Variants in ZFAND3 observed in about 807,000 individuals in gnomAD.
ZFAND3 encodes zinc finger AN1-type containing 3.
ZFAND3 carries 10 observed loss-of-function variants against 29.6 expected under a neutral mutation model. That is an observed-to-expected ratio of 0.34 (90% CI 0.21 to 0.57). The LOEUF (loss-of-function observed/expected upper bound fraction) is 0.57. ZFAND3 is among the 20% of genes least tolerant of loss of function. The probability of loss-of-function intolerance (pLI) is 0.86; values close to 1 mark genes in which losing one functional copy is unlikely to be tolerated. For missense variants in ZFAND3, 230 were observed against 304.5 expected (o/e 0.76, Z 1.82); for synonymous variants, 128 against 112.6 (o/e 1.14, Z -0.87).
intron 2 of ZFAND3, among the ~76,000 whole-genome samples, chr6:38,006,137 C>T (rs1228717597): frequency 6.6e-6 from 1 of 152,140 alleles, no homozygotes; most frequent in Non-Finnish European, 1.5e-5. Context: ...ATGTATCATG[C>T]CCCAGAAAAA....
At position 37,834,510 on chromosome 6, in the gene ZFAND3, A is replaced by G. The variant is rs755858098; in HGVS notation, c.71+14494A>G. Reference sequence around the variant, plus strand: ...ATAAGTTTTCAGCTCATTTGGTTACATACCAAGGAACACAACTGCTGGATC... The same window carrying G: ...ATAAGTTTTCAGCTCATTTGGTTACGTACCAAGGAACACAACTGCTGGATC... On this transcript the variant is annotated intron_variant, in intron 1 of 5. Transcript: ENST00000287218. Among the ~76,000 whole-genome samples the G allele has an allele frequency of 9.2e-5, 14 of 152,314 alleles. No homozygotes were observed. In the South Asian group the frequency reaches 2.9e-3, roughly 32 times the overall value.
intron 1 of ZFAND3, among the ~76,000 whole-genome samples, chr6:37,835,726 G>A (rs751671514): frequency 6.6e-6 from 1 of 151,850 alleles, no homozygotes; most frequent in South Asian, 2.1e-4. Context: ...TGTTTCCTAT[G>A]CATGTACTGC....
At chr6:37,855,652 G>A (rs1168690982) in intron 1 of ZFAND3, among the ~76,000 whole-genome samples, 1 of 152,144 alleles carries the variant, frequency 6.6e-6, no homozygotes, top group Non-Finnish European at 1.5e-5. Flanking sequence ...AGAGGAGTGA[G>A]TACTCTCTCT....
chr6:38,070,993 C>T (rs1482372767), intron 3 of ZFAND3, among the ~76,000 whole-genome samples: 5 of 151,066 alleles, frequency 3.3e-5, no homozygotes, highest in African/African-American at 1.2e-4. Context: ...CAGTGATTTG[C>T]CTATCAGTGT....
At chr6:38,061,955 C>T (rs1014090457) in intron 3 of ZFAND3, among the ~76,000 whole-genome samples, 180 bp downstream of exon 3, 5 of 152,216 alleles carry the variant, frequency 3.3e-5, no homozygotes, top group Non-Finnish European at 5.9e-5. Flanking sequence ...GAAGAAATAG[C>T]CTTTTATACC....
chr6:37,879,066 C>T (rs933568946), intron 1 of ZFAND3, among the ~76,000 whole-genome samples: 7 of 152,158 alleles, frequency 4.6e-5, no homozygotes, highest in Non-Finnish European at 7.3e-5. Context: ...ATCCCCAACC[C>T]GTATGTAGTT....
chr6:37,989,705 A>C lies in ZFAND3; in HGVS notation c.112+59706A>C, dbSNP rs77175149. 2.9e-3 allele frequency among the ~76,000 whole-genome samples: 446 copies of C among 152,058 alleles called. 5 individuals are homozygous for C. The highest frequency in any genetic ancestry group is 9.8e-3 in the African/African-American group (407 of 41,456). On this transcript the variant is annotated intron_variant, in intron 2 of 5. Coordinates refer to ENST00000287218, the MANE Select transcript of ZFAND3 (RefSeq NM_021943.3). ...TGACACCAATTGCAAGGGCCATGAA[A>C]CTGGGAGTGTTCCAAGATGGGTTCA... is the stretch of plus-strand genomic sequence containing the variant.
At chr6:37,918,692 G>C (rs259693) in intron 1 of ZFAND3, among the ~76,000 whole-genome samples, 106,121 of 151,928 alleles carry the variant, frequency 0.7, 37,602 homozygotes, top group African/African-American at 0.77. Context: ...AAAATATTTG[G>C]CACTTGGGTA....
At chr6:37,917,187 G>T (rs1761275384) in intron 1 of ZFAND3, among the ~76,000 whole-genome samples, 1 of 152,166 alleles carries the variant, frequency 6.6e-6, no homozygotes, top group Non-Finnish European at 1.5e-5. Flanking sequence ...CTTCTGCTGG[G>T]AGTCTTGAAA....
intron 2 of ZFAND3, among the ~76,000 whole-genome samples, chr6:38,025,407 A>G (rs1209106319): frequency 1.3e-5 from 2 of 152,176 alleles, no homozygotes; most frequent in Admixed American, 6.5e-5. Flanking sequence ...TGGTATTTAA[A>G]TGGTATGGAA....
chr6:37,974,628 T>G (rs770773706), intron 2 of ZFAND3, among the ~76,000 whole-genome samples: 1 of 152,124 alleles, frequency 6.6e-6, no homozygotes, highest in Non-Finnish European at 1.5e-5. Flanking sequence ...ACTCATGGGC[T>G]CAAGCGATTG....
chr6:38,020,508 A>G (rs1763330488), intron 2 of ZFAND3, among the ~76,000 whole-genome samples: 1 of 152,252 alleles, frequency 6.6e-6, no homozygotes, highest in South Asian at 2.1e-4. Flanking sequence ...TTATAAATAA[A>G]TGGTAGCATT....
chr6:38,008,608 C>T (rs1370284325), intron 2 of ZFAND3, among the ~76,000 whole-genome samples: 1 of 152,146 alleles, frequency 6.6e-6, no homozygotes, highest in African/African-American at 2.4e-5. Flanking sequence ...TTTTCTCTCT[C>T]TCTCACCTCT....
intron 1 of ZFAND3, among the ~76,000 whole-genome samples, chr6:37,889,969 G>A (rs1043670092): frequency 1.3e-5 from 2 of 152,034 alleles, no homozygotes; most frequent in Non-Finnish European, 2.9e-5. Flanking sequence ...CATCTTCAGG[G>A]TACTTCTCAT....
chr6:37,898,680 T>A (rs1765263013), intron 1 of ZFAND3, among the ~76,000 whole-genome samples: 2 of 152,230 alleles, frequency 1.3e-5, no homozygotes, highest in South Asian at 4.1e-4. Context: ...TAGATTTATT[T>A]CTTGGTATTT....
chr6:37,995,340 C>T (rs563890419), intron 2 of ZFAND3, among the ~76,000 whole-genome samples: 1 of 152,314 alleles, frequency 6.6e-6, no homozygotes, highest in Non-Finnish European at 1.5e-5. Context: ...TTTTCAAGCA[C>T]TAAATTCTCA....
At chr6:37,958,057 GGACA>G (rs1256453390) in intron 2 of ZFAND3, among the ~76,000 whole-genome samples, 1 of 152,040 alleles carries the variant, frequency 6.6e-6, no homozygotes, top group African/African-American at 2.4e-5. Context: ...ATATGACTAT[GGACA>G]GACAATTAGT....
chr6:38,072,424 C>G (rs182977833), intron 3 of ZFAND3, among the ~76,000 whole-genome samples: 4 of 152,274 alleles, frequency 2.6e-5, no homozygotes, highest in Non-Finnish European at 1.5e-5. Flanking sequence ...GCAACATCAT[C>G]ACTGTCCCCC....
intron 1 of ZFAND3, among the ~76,000 whole-genome samples, chr6:37,823,792 AT>A (rs35888139): frequency 6.8e-5 from 10 of 148,090 alleles, no homozygotes; most frequent in Admixed American, 4.0e-4. Context: ...ATTTTTTTGT[AT>A]TTTTTTTTGG....
Sources: gnomAD v4.1 joint callset for allele counts (sites outside exome capture counted in the v4.1 genomes callset) on GRCh38, gnomAD v4.1.1 for gene constraint, MANE v1.5 for transcripts, NCBI Gene and HGNC (gene_info 2026-07-23, HGNC 2026-07-21) for gene names.